Variants in DBX1 observed in about 807,000 individuals in gnomAD.
DBX1 encodes the protein developing brain homeobox 1, also known as homeobox protein DBX1.
A neutral mutation model predicts 20.8 loss-of-function variants in DBX1; 10 were observed. The observed-to-expected ratio is 0.48, with a 90% CI of 0.30 to 0.82. The LOEUF (loss-of-function observed/expected upper bound fraction) is 0.82, where lower values mean the gene tolerates loss of function less well. Among genes scored for constraint, DBX1 ranks in the 40% least tolerant of loss-of-function variants. DBX1 has a pLI of 0.07. For missense variants in DBX1, 505 were observed against 468.8 expected, an observed-to-expected ratio of 1.08 and a Z score of -0.71; for synonymous variants, 241 against 213.9, an observed-to-expected ratio of 1.13 and a Z score of -1.11.
At position 20,157,213 on chromosome 11, in the gene DBX1, C is replaced by T. The variant is rs1256949371; in HGVS notation, c.496G>A (p.Gly166Arg). 6.3e-7 allele frequency: 1 copy of T among 1,584,794 alleles called. No homozygotes were observed. Among genetic ancestry groups the T allele is most frequent in the Non-Finnish European group, 8.6e-7 (1 of 1,167,186 alleles). Residue 166 changes from glycine to arginine, a missense_variant, in exon 3 of 4, where the codon GGG (glycine) becomes AGG (arginine). Gly to Arg is a moderately radical substitution (Grantham distance 125). Coordinates refer to ENST00000524983, the MANE Select transcript of DBX1 (RefSeq NM_001029865.4). ...GCGGCCAGCGGCCAGGAGAAGGTCC[C>T]GGGGATGGGCACCACGCTGGAGGAA... ...PASSSVVPIP[G>R]TFSWPLAARG...
At chr11:20,159,360 T>G (rs1213853778) in intron 1 of DBX1, 68 bp from the exon 2 acceptor site, 4 of 1,047,918 alleles carry the variant, frequency 3.8e-6, no homozygotes, top group East Asian at 4.7e-5. Context: ...CGTACTTGCC[T>G]ATTGTATAGC....
chr11:20,157,189 C>A lies in DBX1; in HGVS notation c.520G>T (p.Ala174Ser). Residue 174 changes from alanine to serine, a missense_variant, in exon 3 of 4, where the codon GCG (alanine) becomes TCG (serine). Transcript: ENST00000524983. ...IPGTFSWPLA[A>S]RGKPRRGMLR... ...ATGCCCCGCCGAGGCTTCCCGCGCG[C>A]GGCCAGCGGCCAGGAGAAGGTCCCG... The A allele has an allele frequency of 6.3e-7, 1 of 1,598,058 alleles. No individual in the cohort carries two copies. Among genetic ancestry groups the A allele is most frequent in the South Asian group, 1.1e-5 (1 of 89,198 alleles).
Position 20,156,159 on chromosome 11 carries a change from C to T in DBX1, c.*55G>A. On this transcript the variant is annotated 3_prime_UTR_variant, in exon 4 of 4. Transcript: ENST00000524983. This position sits in a 1 kb window ranked among gnomAD's most constrained non-coding sequence, Gnocchi z 4.8. The stretch of plus-strand genomic sequence containing the variant: ...ACAAAGTGAATGCGCAGACTGGACC[C>T]CACCTCTTCGATTTCAAAGCACTTA... The T allele has an allele frequency of 6.6e-7, 1 of 1,509,048 alleles. No homozygotes were observed. The highest frequency in any genetic ancestry group is 8.9e-7 in the Non-Finnish European group (1 of 1,129,310). 93.5% of individuals were successfully genotyped at this position (1,509,048 alleles called of 1,614,324 possible).
rs913846529 is a variant in DBX1, at chr11:20,160,153, C to T, written c.172G>A (p.Val58Met). 3.2e-6 allele frequency: 5 copies of T among 1,547,772 alleles called. No homozygotes were observed. The African/African-American group carries it at 4.1e-5, about 13-fold the overall frequency. ...GGCGGCGACATGCTGGCGGTGGGCACGCTGCGGGGCAGGTAGGCGGGGGGT... is the reference window on the plus strand; with the variant it reads ...GGCGGCGACATGCTGGCGGTGGGCATGCTGCGGGGCAGGTAGGCGGGGGGT... Reference protein sequence around the residue: ...SRPPAYLPRSVPTASMSPPRQ... With the variant: ...SRPPAYLPRSMPTASMSPPRQ... Residue 58 changes from valine (V) to methionine (M), a missense_variant, in exon 1 of 4, where the codon GTG becomes ATG. Val to Met is a conservative substitution (Grantham distance 21, BLOSUM62 1). Coordinates refer to ENST00000524983, the MANE Select transcript of DBX1 (RefSeq NM_001029865.4).
chr11:20,159,634 A>C (rs928023934), intron 1 of DBX1, among the ~76,000 whole-genome samples: 1 of 152,118 alleles, frequency 6.6e-6, no homozygotes, highest in Non-Finnish European at 1.5e-5. Flanking sequence ...GTTTAAAAAA[A>C]AAAACTGTCT....
intron 1 of DBX1, 142 bp from the exon 2 acceptor site, chr11:20,159,434 A>T: frequency 1.6e-6 from 1 of 627,548 alleles, no homozygotes; most frequent in Non-Finnish European, 2.9e-6. Context: ...TTATACGTTG[A>T]CAGGGTAAAA....
intron 2 of DBX1, among the ~76,000 whole-genome samples, chr11:20,158,451 G>C (rs557528431): frequency 6.6e-6 from 1 of 152,144 alleles, no homozygotes. Context: ...CATCAGTGAG[G>C]TTACAGGAAG....
chr11:20,158,788 G>T (rs1339927185), intron 2 of DBX1, among the ~76,000 whole-genome samples: 1 of 151,874 alleles, frequency 6.6e-6, no homozygotes, highest in Non-Finnish European at 1.5e-5. Flanking sequence ...AGGGACTAGG[G>T]CCGGTCTGTG....
chr11:20,158,806 G>C (rs987870193), intron 2 of DBX1, among the ~76,000 whole-genome samples: 1 of 152,022 alleles, frequency 6.6e-6, no homozygotes, highest in Non-Finnish European at 1.5e-5. Context: ...GTGTGTGGCT[G>C]CCCGGAGGAG....
chr11:20,158,728 G>T (rs887736685), intron 2 of DBX1, among the ~76,000 whole-genome samples: 5 of 152,018 alleles, frequency 3.3e-5, no homozygotes, highest in African/African-American at 9.7e-5. Context: ...CCCTGAATGA[G>T]TCTTAAAGAG....
chr11:20,157,051 G>A lies in DBX1; in HGVS notation c.658C>T (p.Leu220=). ...AATGCGCTCACCTGCGAGTCTTTCA[G>A]GCCCAGCTTGGCCGCCAGCTTCTTG... ...DRKKLAAKLG[L]KDSQVKIWFQ... The change falls in exon 3 of 4, where the codon CTG becomes TTG. Residue 220 remains leucine, a synonymous_variant. Coordinates refer to ENST00000524983, the MANE Select transcript of DBX1 (RefSeq NM_001029865.4). 1 of 1,613,912 alleles carries A rather than the reference G, an allele frequency of 6.2e-7. No individual in the cohort carries two copies. Among genetic ancestry groups the A allele is most frequent in the Non-Finnish European group, 8.5e-7 (1 of 1,179,998 alleles).
At position 20,156,419 on chromosome 11, in the gene DBX1, T is replaced by A. The variant is rs745915209; in HGVS notation, c.827A>T (p.Glu276Val). ...GCTGCCCGGGCCCTCCTCCTCCTCT[T>A]CGTTCCCAGGGCCCTTCTGGCCCAC... ...SDVGQKGPGNEEEEEGPGSPS... is the reference protein window; with the variant it reads ...SDVGQKGPGNVEEEEGPGSPS... Residue 276 changes from glutamate to valine, a missense_variant, in exon 4 of 4, where the codon GAA becomes GTA. Coordinates refer to ENST00000524983, the MANE Select transcript of DBX1 (RefSeq NM_001029865.4). The surrounding 1 kb of genome is among the most constrained non-coding windows in gnomAD (Gnocchi z 4.8). The A allele has an allele frequency of 1.2e-6, 2 of 1,604,748 alleles. No individual in the cohort carries two copies. Among genetic ancestry groups the A allele is most frequent in the East Asian group, 4.5e-5 (2 of 44,680 alleles).
intron 2 of DBX1, 143 bp downstream of exon 2, chr11:20,159,048 C>A: frequency 1.6e-6 from 1 of 628,044 alleles, no homozygotes; most frequent in Non-Finnish European, 2.8e-6. Context: ...GCGACGGATT[C>A]ATGAATGTTA....
Position 20,159,184 on chromosome 11 carries a change from G to C in DBX1, c.469+7C>G, listed in dbSNP as rs2063675659. The C allele has an allele frequency of 6.2e-7, 1 of 1,602,612 alleles. No homozygotes were observed. Among genetic ancestry groups the C allele is most frequent in the Non-Finnish European group, 8.5e-7 (1 of 1,170,204 alleles). On this transcript the variant is annotated splice_region_variant and intron_variant, in intron 2 of 3. Transcript: ENST00000524983. ...TGCCTCGCGCAAAGAAGGGGGACGA[G>C]ACCTACCTGGGAAATAAGAAGATCT...
chr11:20,160,289 C>G lies in DBX1; in HGVS notation c.36G>C (p.Gly12=), dbSNP rs1592274019. 1 of 1,531,376 alleles carries G rather than the reference C, an allele frequency of 6.5e-7. No individual in the cohort carries two copies. Among genetic ancestry groups the G allele is most frequent in the East Asian group, 2.5e-5 (1 of 40,534 alleles). The allele number at this position is 1,531,376 out of a possible 1,614,324, so 94.9% of individuals were successfully genotyped here. The part of the protein sequence containing the change: ...MFPGLLAPPA[G]YPSLLRPTPT... Reference sequence around the variant, plus strand: ...GCGTGGGCCGCAGGAGGCTAGGGTACCCGGCGGGGGGCGCGAGGAGGCCGG... The same window carrying G: ...GCGTGGGCCGCAGGAGGCTAGGGTAGCCGGCGGGGGGCGCGAGGAGGCCGG... Residue 12 remains glycine (G), a synonymous_variant, in exon 1 of 4, where the codon GGG becomes GGC. Transcript: ENST00000524983.
In DBX1 at chr11:20,160,110, G is replaced by C. The variant is rs954904069; in HGVS notation, c.215C>G (p.Thr72Arg). Residue 72 changes from threonine (T) to arginine (R), a missense_variant, in exon 1 of 4, where the codon ACG becomes AGG. Thr to Arg is a moderately conservative substitution (Grantham distance 71, BLOSUM62 -1). Coordinates refer to ENST00000524983, the MANE Select transcript of DBX1 (RefSeq NM_001029865.4). ...SMSPPRQGAP[T>R]ALTDTGASDL... ...CGAGGCCCCCGTGTCGGTGAGGGCC[G>C]TGGGGGCCCCCTGCCTGGGCGGCGA... 1 of 1,551,792 alleles carries C rather than the reference G, an allele frequency of 6.4e-7. No individual in the cohort carries two copies. Among genetic ancestry groups the C allele is most frequent in the Non-Finnish European group, 8.7e-7 (1 of 1,147,226 alleles).
chr11:20,159,890 CTG>C (rs950995954), intron 1 of DBX1, 66 bp downstream of exon 1: 215 of 1,608,872 alleles, frequency 1.3e-4, no homozygotes, highest in Middle Eastern at 1.7e-4. Context: ...CTAGAGGAAA[CTG>C]AGGCCAGGAT....
Position 20,160,218 on chromosome 11 carries a change from T to G in DBX1, c.107A>C (p.His36Pro). ...CAGATCCTCCACCAGGAAGCTGGAG[T>G]GGCCGGAAAATGCCGACTGCAAGGA... ...PQSLQSAFSG[H>P]SSFLVEDLIR... The change falls in exon 1 of 4, where the codon CAC becomes CCC. Residue 36 changes from histidine to proline, a missense_variant. Transcript: ENST00000524983. 6.5e-7 allele frequency: 1 copy of G among 1,546,490 alleles called. No homozygotes were observed. The highest frequency in any genetic ancestry group is 8.7e-7 in the Non-Finnish European group (1 of 1,146,414).
At chr11:20,157,423 C>A (rs1396274423) in intron 2 of DBX1, among the ~76,000 whole-genome samples, 184 bp from the exon 3 acceptor site, 1 of 152,228 alleles carries the variant, frequency 6.6e-6, no homozygotes, top group Non-Finnish European at 1.5e-5. Context: ...AAACAACTTT[C>A]CCTTTCAACC....
Sources: gnomAD v4.1 joint callset for allele counts (sites outside exome capture counted in the v4.1 genomes callset) on GRCh38, gnomAD v4.1.1 for gene constraint, Gnocchi (gnomAD v3.1) non-coding constraint, MANE v1.5 for transcripts, NCBI Gene and HGNC (gene_info 2026-07-23, HGNC 2026-07-21) for gene names.